Variants in GAB3 observed in about 807,000 individuals in gnomAD.
GAB3 encodes GRB2-associated-binding protein 3.
A neutral mutation model predicts 40.4 loss-of-function variants in GAB3; 12 were observed. The ratio of observed to expected loss-of-function variants is 0.30; its 90% CI spans 0.19 to 0.48. The LOEUF is 0.48. GAB3 is among the 20% of genes least tolerant of loss of function. The probability of loss-of-function intolerance (pLI) is 0.99; values close to 1 mark genes in which losing one functional copy is unlikely to be tolerated. For synonymous variants in GAB3, 154 were observed against 176.7 expected (o/e 0.87, Z 1.02); for missense variants, 381 against 461.9 (o/e 0.82, Z 1.61).
chrX:154,690,969 G>T (rs1424054833), intron 8 of GAB3, among the ~76,000 whole-genome samples: 2 of 110,054 alleles, frequency 1.8e-5, no homozygotes, highest in African/African-American at 6.8e-5. Context: ...ACATGCACAC[G>T]TATGTTTATT....
At chrX:154,685,176 C>T (rs1219361605) in intron 8 of GAB3, among the ~76,000 whole-genome samples, 1 of 111,377 alleles carries the variant, frequency 9.0e-6, no homozygotes, top group Admixed American at 9.6e-5. Flanking sequence ...TTACTTAATC[C>T]AACTTTCAAT....
intron 4 of GAB3, among the ~76,000 whole-genome samples, chrX:154,701,118 C>A (rs1287258356): frequency 1.8e-5 from 2 of 111,799 alleles, no homozygotes; most frequent in African/African-American, 6.5e-5. Context: ...AGCTGTATGG[C>A]ACTAGACAAG....
At chrX:154,682,267 T>C (rs1177242440) in intron 8 of GAB3, among the ~76,000 whole-genome samples, 2 of 112,344 alleles carry the variant, frequency 1.8e-5, no homozygotes, top group African/African-American at 6.5e-5. Flanking sequence ...TCTAATTATT[T>C]CTAAGTAGAT....
intron 4 of GAB3, among the ~76,000 whole-genome samples, 200 bp from the exon 5 acceptor site, chrX:154,700,259 T>C (rs190628723): frequency 5.4e-5 from 6 of 111,919 alleles, no homozygotes; most frequent in East Asian, 2.8e-4. Context: ...CTCTGTGAAA[T>C]AGGAGGAGAC....
At chrX:154,745,158 C>T (rs782472048) in intron 1 of GAB3, among the ~76,000 whole-genome samples, 15 of 110,280 alleles carry the variant, frequency 1.4e-4, no homozygotes, top group African/African-American at 3.3e-4. Flanking sequence ...ATGGTGAAAC[C>T]GCATCTCTAC....
Position 154,696,914 on chromosome X carries a change from T to C in GAB3, c.1427+218A>G, listed in dbSNP as rs1557250862. 4.4e-5 allele frequency among the ~76,000 whole-genome samples: 5 copies of C among 112,462 alleles called. No individual in the cohort carries two copies. The South Asian group carries it at 1.8e-3, about 41-fold the overall frequency. On this transcript the variant is annotated intron_variant, in intron 7 of 9. Transcript: ENST00000424127. ...AGCAGAAGTGAGTAGATTCCTTGGG[T>C]TCCCAACAGCACACTAGTTCCTGAT... is the stretch of plus-strand genomic sequence containing the variant.
intron 1 of GAB3, among the ~76,000 whole-genome samples, chrX:154,726,966 T>C (rs2071221927): frequency 8.9e-6 from 1 of 112,014 alleles, no homozygotes; most frequent in Non-Finnish European, 1.9e-5. Context: ...TAGCCTCTTG[T>C]CTTCCCACAT....
At chrX:154,709,190 TTTGTCTTCTTCCATGA>T (rs2070872750) in intron 4 of GAB3, among the ~76,000 whole-genome samples, 1 of 111,400 alleles carries the variant, frequency 9.0e-6, no homozygotes, top group Non-Finnish European at 1.9e-5. Context: ...TTCCTTCCTC[TTTGTCTTCTTCCATGA>T]TTGTAAGTTT....
chrX:154,746,149 T>C (rs1192497659), intron 1 of GAB3, among the ~76,000 whole-genome samples: 1 of 110,822 alleles, frequency 9.0e-6, no homozygotes, highest in Non-Finnish European at 1.9e-5. Flanking sequence ...TGGTGAGTTC[T>C]ACCAATCATT....
chrX:154,683,709 A>T (rs1387200884), intron 8 of GAB3, among the ~76,000 whole-genome samples: 1 of 111,443 alleles, frequency 9.0e-6, no homozygotes, highest in East Asian at 2.8e-4. Context: ...TTAAGATTTA[A>T]TTTTTTTGTG....
chrX:154,678,259 A>G lies in GAB3; in HGVS notation c.1683T>C (p.Tyr561=). The G allele has an allele frequency of 8.4e-7, 1 of 1,194,553 alleles. No homozygotes were observed. Among genetic ancestry groups the G allele is most frequent in the South Asian group, 1.8e-5 (1 of 55,881 alleles). Residue 561 remains tyrosine (Y), a synonymous_variant, in exon 10 of 10, where the codon TAT becomes TAC. Transcript: ENST00000424127. Reference sequence around the variant, plus strand: ...GTGTCTTCTGCTCATCCACTTGGACATAGTCTACTCTTTGTTCTTCTGAAA... The same window carrying G: ...GTGTCTTCTGCTCATCCACTTGGACGTAGTCTACTCTTTGTTCTTCTGAAA... ...LLLSEEQRVD[Y]VQVDEQKTQA...
At position 154,678,055 on chromosome X, in the gene GAB3, C is replaced by A; in HGVS notation, c.*123G>T. 1 of 446,642 alleles carries A rather than the reference C, an allele frequency of 2.2e-6. No homozygotes were observed. 36.8% of individuals were successfully genotyped at this position (446,642 alleles called of 1,213,427 possible). ...CAAGACCTTGAAAACTACACATTCT[C>A]TCTTGGTTTTGACCTGTGTTGACCA... On this transcript the variant is annotated 3_prime_UTR_variant, in exon 10 of 10. Transcript: ENST00000424127.
chrX:154,722,591 T>C (rs1557258885), intron 1 of GAB3, among the ~76,000 whole-genome samples: 2 of 112,320 alleles, frequency 1.8e-5, no homozygotes, highest in African/African-American at 3.2e-5. Flanking sequence ...CAATAAAATT[T>C]ACTTTTAAAA....
In GAB3 at chrX:154,692,220, A is replaced by G. The variant is rs145353127; in HGVS notation, c.1530+3697T>C. 1.5e-3 allele frequency among the ~76,000 whole-genome samples: 167 copies of G among 112,000 alleles called. 2 individuals carry two copies. In the East Asian group the frequency reaches 0.04, roughly 27 times the overall value. On this transcript the variant is annotated intron_variant, in intron 8 of 9. Coordinates refer to ENST00000424127, the MANE Select transcript of GAB3 (RefSeq NM_001081573.3). ...AAAGGACACTATCAAGAGAATGAAAAGACAACCCACAGAATGAGAGAAAAT... is the reference window on the plus strand; with the variant it reads ...AAAGGACACTATCAAGAGAATGAAAGGACAACCCACAGAATGAGAGAAAAT...
intron 4 of GAB3, among the ~76,000 whole-genome samples, chrX:154,710,056 GTAATAAT>G (rs1557255233): frequency 8.9e-6 from 1 of 112,003 alleles, no homozygotes; most frequent in Non-Finnish European, 1.9e-5. Context: ...TAGTTTGATT[GTAATAAT>G]CAGTACATAA....
chrX:154,710,352 CA>C (rs2070918583), intron 4 of GAB3, among the ~76,000 whole-genome samples: 1 of 111,388 alleles, frequency 9.0e-6, no homozygotes, highest in Non-Finnish European at 1.9e-5. Context: ...CTAGAATAGC[CA>C]TTATATTCCC....
intron 1 of GAB3, among the ~76,000 whole-genome samples, chrX:154,737,706 C>T (rs782084188): frequency 1.8e-5 from 2 of 112,270 alleles, no homozygotes; most frequent in South Asian, 3.7e-4. Context: ...AAAGATGTGG[C>T]GTAAAAAATC....
chrX:154,678,171 G>A lies in GAB3; in HGVS notation c.*7C>T, dbSNP rs782110186. On this transcript the variant is annotated 3_prime_UTR_variant, in exon 10 of 10. Transcript: ENST00000424127. ...CCTGTTTCACACATGGCACAAGCCC[G>A]CACCTCTCATACTTTGGATTGCCTT... The A allele has an allele frequency of 1.1e-5, 11 of 1,017,410 alleles. No homozygotes were observed. Among genetic ancestry groups the A allele is most frequent in the Admixed American group, 2.4e-5 (1 of 42,396 alleles). The allele number at this position is 1,017,410 out of a possible 1,213,427, so 83.8% of individuals were successfully genotyped here.
At position 154,712,546 on chromosome X, in the gene GAB3, G is replaced by A. The variant is rs138147469; in HGVS notation, c.752C>T (p.Ser251Leu). The A allele has an allele frequency of 1.4e-5, 17 of 1,184,514 alleles. No homozygotes were observed. The highest frequency in any genetic ancestry group is 6.0e-5 in the East Asian group (2 of 33,592). The stretch of plus-strand genomic sequence containing the variant: ...CCAGATCAGGGCAGCCTGAGGCCTC[G>A]AGGATGGCACCTCCTGAGCTCCACT... ...HGSGAQEVPS[S>L]RPQAALIWSR... is the part of the protein sequence containing the mutation. Residue 251 changes from serine (S) to leucine (L), a missense_variant, in exon 4 of 10, where the codon TCG (serine) becomes TTG (leucine). Coordinates refer to ENST00000424127, the MANE Select transcript of GAB3 (RefSeq NM_001081573.3).
Sources: gnomAD v4.1 joint callset for allele counts (sites outside exome capture counted in the v4.1 genomes callset) on GRCh38, gnomAD v4.1.1 for gene constraint, MANE v1.5 for transcripts, NCBI Gene and HGNC (gene_info 2026-07-23, HGNC 2026-07-21) for gene names.